Variants in MTSS1 observed in about 807,000 individuals in gnomAD.
MTSS1 encodes the protein MTSS I-BAR domain containing 1, also known as protein MTSS 1.
A neutral mutation model predicts 79.0 loss-of-function variants in MTSS1; 18 were observed. The ratio of observed to expected loss-of-function variants is 0.23; its 90% confidence interval spans 0.16 to 0.34. MTSS1 has a LOEUF of 0.34. Among genes scored for constraint, MTSS1 ranks in the 10% least tolerant of loss-of-function variants. MTSS1 has a pLI of 1.00. For synonymous variants in MTSS1, 341 were observed against 368.6 expected (o/e 0.93, Z 0.86); for missense variants, 815 against 986.2 (o/e 0.83, Z 2.33).
chr8:124,684,009 C>A (rs1826548450), intron 3 of MTSS1, among the ~76,000 whole-genome samples: 2 of 152,236 alleles, frequency 1.3e-5, no homozygotes, highest in African/African-American at 4.8e-5. Flanking sequence ...AGCAGAGCAG[C>A]ACAACCATTT....
chr8:124,647,902 C>T (rs1819282849), intron 3 of MTSS1, among the ~76,000 whole-genome samples: 1 of 152,190 alleles, frequency 6.6e-6, no homozygotes, highest in Non-Finnish European at 1.5e-5. Flanking sequence ...CTGTGTGATC[C>T]AACCCATCAC....
Position 124,675,568 on chromosome 8 carries a change from A to T in MTSS1, c.208+23958T>A, listed in dbSNP as rs115210402. ...TTCAGAAGCGTTCAGTGCATTCACA[A>T]TGTGAGTAATGACCACCTCTACCTA... On this transcript the variant is annotated intron_variant, in intron 3 of 13. Coordinates refer to ENST00000518547, the MANE Select transcript of MTSS1 (RefSeq NM_014751.6). 2.0e-5 allele frequency among the ~76,000 whole-genome samples: 3 copies of T among 152,232 alleles called. No homozygotes were observed. The East Asian group carries it at 5.8e-4, about 29-fold the overall frequency.
At chr8:124,663,439 G>A (rs1226297616) in intron 3 of MTSS1, among the ~76,000 whole-genome samples, 8 of 151,928 alleles carry the variant, frequency 5.3e-5, no homozygotes, top group Admixed American at 1.3e-4. Flanking sequence ...TCCTCAAATC[G>A]GAAGCCTCTG....
Position 124,706,974 on chromosome 8 carries a change from C to A in MTSS1, c.73-2783G>T, listed in dbSNP as rs191471513. ...CACTGGAGATCTCTGTCCAGAGGGA[C>A]AGCAGTTGGCACCTCTAAGAACACA... On this transcript the variant is annotated intron_variant, in intron 1 of 13. Transcript: ENST00000518547. Among the ~76,000 whole-genome samples, 7 of 152,274 alleles carry A rather than the reference C, an allele frequency of 4.6e-5. No homozygotes were observed. In the East Asian group the frequency reaches 1.4e-3, roughly 29 times the overall value.
intron 3 of MTSS1, among the ~76,000 whole-genome samples, chr8:124,657,718 T>A (rs147303041): frequency 3.3e-5 from 5 of 152,202 alleles, no homozygotes; most frequent in Non-Finnish European, 5.9e-5. Flanking sequence ...CTTCTGATGA[T>A]ACACAGTGCC....
At chr8:124,593,192 A>G (rs984437931) in intron 3 of MTSS1, among the ~76,000 whole-genome samples, 10 of 152,228 alleles carry the variant, frequency 6.6e-5, no homozygotes, top group Admixed American at 5.9e-4. Flanking sequence ...CATATAAGCA[A>G]AGACGAGGAA....
At chr8:124,714,083 C>G (rs987640960) in intron 1 of MTSS1, among the ~76,000 whole-genome samples, 1 of 152,126 alleles carries the variant, frequency 6.6e-6, no homozygotes. Context: ...ATAGTTCCTC[C>G]CATCAAAAGA....
chr8:124,703,666 A>G (rs1830014545), intron 2 of MTSS1, among the ~76,000 whole-genome samples: 1 of 152,176 alleles, frequency 6.6e-6, no homozygotes, highest in African/African-American at 2.4e-5. Context: ...GGAGCCAGAG[A>G]GCCTAAGTTC....
At chr8:124,588,166 A>T (rs1831200275) in intron 5 of MTSS1, among the ~76,000 whole-genome samples, 1 of 152,196 alleles carries the variant, frequency 6.6e-6, no homozygotes, top group Admixed American at 6.5e-5. Context: ...GTTGCTGGGG[A>T]CATAGAATGA....
chr8:124,627,036 T>C (rs371588584), intron 3 of MTSS1, among the ~76,000 whole-genome samples: 2 of 151,842 alleles, frequency 1.3e-5, no homozygotes, highest in East Asian at 1.9e-4. Context: ...CCTGTGCACA[T>C]TCCCATTTAG....
chr8:124,657,655 G>A (rs1044839118), intron 3 of MTSS1, among the ~76,000 whole-genome samples: 3 of 152,160 alleles, frequency 2.0e-5, no homozygotes, highest in African/African-American at 7.2e-5. Flanking sequence ...TCATGGACAA[G>A]AGCACGTTCA....
chr8:124,632,507 CA>C (rs914241670), intron 3 of MTSS1, among the ~76,000 whole-genome samples: 44 of 150,878 alleles, frequency 2.9e-4, no homozygotes, highest in Non-Finnish European at 5.2e-4. Context: ...ATAAAAAATT[CA>C]AAAAAAAATT....
At chr8:124,688,393 GTA>G (rs1302939055) in intron 3 of MTSS1, among the ~76,000 whole-genome samples, 1 of 151,844 alleles carries the variant, frequency 6.6e-6, no homozygotes, top group Non-Finnish European at 1.5e-5. Flanking sequence ...GTGTGTATGT[GTA>G]TATGTGTATG....
At chr8:124,573,484 C>A (rs1324733048) in intron 6 of MTSS1, among the ~76,000 whole-genome samples, 1 of 152,232 alleles carries the variant, frequency 6.6e-6, no homozygotes, top group East Asian at 1.9e-4. Context: ...GGGGCAGTCC[C>A]ACGGGGGCAG....
At chr8:124,641,759 C>T (rs1818096413) in intron 3 of MTSS1, among the ~76,000 whole-genome samples, 1 of 152,130 alleles carries the variant, frequency 6.6e-6, no homozygotes, top group Non-Finnish European at 1.5e-5. Context: ...AGAGTGTTCC[C>T]CACCTGAAAA....
chr8:124,591,485 G>A (rs1831873042), intron 3 of MTSS1, among the ~76,000 whole-genome samples: 2 of 152,186 alleles, frequency 1.3e-5, no homozygotes, highest in Admixed American at 6.5e-5. Flanking sequence ...ACCACACTCT[G>A]TTAGTTTCTA....
chr8:124,631,839 G>A (rs13258904), intron 3 of MTSS1, among the ~76,000 whole-genome samples: 5,924 of 152,258 alleles, frequency 0.039, 149 homozygotes, highest in Middle Eastern at 0.078. Flanking sequence ...AGGCAGCAAA[G>A]CTCAGGCTTC....
intron 6 of MTSS1, among the ~76,000 whole-genome samples, chr8:124,572,495 G>GC (rs1827985438): frequency 6.6e-6 from 1 of 152,046 alleles, no homozygotes; most frequent in Admixed American, 6.6e-5. Context: ...ATATACAAAA[G>GC]CCCATTCTCT....
intron 3 of MTSS1, among the ~76,000 whole-genome samples, chr8:124,599,193 A>C (rs1374175984): frequency 1.3e-5 from 2 of 151,828 alleles, no homozygotes; most frequent in Admixed American, 1.3e-4. Flanking sequence ...AGTTTAAAAG[A>C]TCTAAGTAGC....
Sources: allele counts gnomAD v4.1 joint callset (sites outside exome capture counted in the v4.1 genomes callset), GRCh38; gene constraint gnomAD v4.1.1; transcripts MANE v1.5; gene names NCBI Gene and HGNC (gene_info 2026-07-23, HGNC 2026-07-21).